The following COL28A1 variants were observed in gnomAD, a reference collection of about 807,000 sequenced individuals.
COL28A1 encodes collagen alpha-1(XXVIII) chain.
In COL28A1, 161 loss-of-function variants were observed where a neutral mutation model predicts 150.2. The ratio of observed to expected loss-of-function variants is 1.07; its 90% CI spans 0.94 to 1.22. The LOEUF (loss-of-function observed/expected upper bound fraction) is 1.22, where lower values mean the gene tolerates loss of function less well. Among genes scored for constraint, COL28A1 ranks in the 50% most tolerant of loss-of-function variants. COL28A1 has a pLI of 0.00. For synonymous variants in COL28A1, 552 were observed against 469.7 expected (o/e 1.18, Z -2.26); for missense variants, 1,617 against 1,388.3 (o/e 1.16, Z -2.62).
intron 17 of COL28A1, among the ~76,000 whole-genome samples, chr7:7,452,953 A>ATTT (rs1319474224): frequency 6.6e-6 from 1 of 152,262 alleles, no homozygotes; most frequent in East Asian, 1.9e-4. Flanking sequence ...AACTAGTTAA[A>ATTT]TAAGTGCCAT....
intron 3 of COL28A1, among the ~76,000 whole-genome samples, chr7:7,528,903 A>T (rs1357322399): frequency 3.3e-5 from 5 of 152,322 alleles, no homozygotes; most frequent in African/African-American, 9.6e-5. Flanking sequence ...TAACTTATTT[A>T]AAAAGTCAAC....
intron 8 of COL28A1, among the ~76,000 whole-genome samples, chr7:7,514,545 C>A (rs1406420867): frequency 6.6e-6 from 1 of 152,194 alleles, no homozygotes; most frequent in Non-Finnish European, 1.5e-5. Context: ...CATGTAGGCT[C>A]ACCCCTAATA....
At chr7:7,508,048 C>T (rs1445313649) in intron 9 of COL28A1, among the ~76,000 whole-genome samples, 1 of 152,056 alleles carries the variant, frequency 6.6e-6, no homozygotes, top group Non-Finnish European at 1.5e-5. Context: ...CTGGCTAACA[C>T]AGTGAAACCC....
chr7:7,536,831 AGT>A (rs1782659304), upstream of COL28A1, among the ~76,000 whole-genome samples: 5 of 152,324 alleles, frequency 3.3e-5, no homozygotes, highest in South Asian at 1.0e-3. Flanking sequence ...CACTGTCCTG[AGT>A]GCTTCACACA....
At chr7:7,528,384 T>G (rs1012802847) in intron 3 of COL28A1, among the ~76,000 whole-genome samples, 1 of 152,146 alleles carries the variant, frequency 6.6e-6, no homozygotes, top group Non-Finnish European at 1.5e-5. Context: ...CAATTTGGAG[T>G]CATTAAGTCT....
Position 7,358,771 on chromosome 7 carries a change from G to C in COL28A1, c.3240C>G (p.Asn1080Lys). Residue 1080 changes from asparagine (N) to lysine (K), a missense_variant, in exon 35 of 35, where the codon AAC becomes AAG. Physicochemically the swap from Asn to Lys is moderately conservative, Grantham distance 94 (BLOSUM62 0). Coordinates refer to ENST00000399429, the MANE Select transcript of COL28A1 (RefSeq NM_001037763.3). ...PRCLEALKPGNCGEYVVRWYY... is the reference protein window; with the variant it reads ...PRCLEALKPGKCGEYVVRWYY... ...ACCATCGAACCACATATTCACCACA[G>C]TTTCCAGGCTTCAAGGCTTCCAAAC... is the stretch of plus-strand genomic sequence containing the variant. The C allele has an allele frequency of 6.2e-7, 1 of 1,613,934 alleles. No homozygotes were observed. The highest frequency in any genetic ancestry group is 1.7e-5 in the Admixed American group (1 of 60,008).
intron 27 of COL28A1, among the ~76,000 whole-genome samples, chr7:7,392,045 C>G (rs901558169): frequency 1.3e-5 from 2 of 152,018 alleles, no homozygotes; most frequent in African/African-American, 4.8e-5. Context: ...TTATTTTGCT[C>G]ATTAGTTGAT....
chr7:7,495,856 G>C (rs377374886), intron 11 of COL28A1, among the ~76,000 whole-genome samples: 3 of 152,030 alleles, frequency 2.0e-5, no homozygotes, highest in Admixed American at 2.0e-4. Flanking sequence ...TTTAATCTGA[G>C]TAAAACCTTC....
intron 23 of COL28A1, among the ~76,000 whole-genome samples, chr7:7,434,467 A>G (rs1461871054): frequency 3.3e-5 from 5 of 152,206 alleles, no homozygotes; most frequent in Admixed American, 3.3e-4. Flanking sequence ...ACAACAAACT[A>G]AAGCAGTAAC....
At chr7:7,409,253 CA>C (rs1418673540) in intron 27 of COL28A1, among the ~76,000 whole-genome samples, 1 of 152,038 alleles carries the variant, frequency 6.6e-6, no homozygotes, top group Admixed American at 6.6e-5. Context: ...AAATTTTCAA[CA>C]ATGAAATTCA....
rs140414446 is a variant in COL28A1, at chr7:7,375,402, C to G, written c.2359+59G>C. 1,539 of 1,469,940 alleles carry G rather than the reference C, an allele frequency of 1.0e-3. 18 individuals are homozygous for G. In the Middle Eastern group the frequency reaches 0.032, roughly 30 times the overall value. The allele number at this position is 1,469,940 out of a possible 1,614,324, so 91.1% of individuals were successfully genotyped here. On this transcript the variant is annotated intron_variant, in intron 31 of 34. Coordinates refer to ENST00000399429, the MANE Select transcript of COL28A1 (RefSeq NM_001037763.3). ...CTGGACGAACACATTCTGTCACCAG[C>G]ACAGTACATAGTGGGGCTGATGCTT...
intron 15 of COL28A1, among the ~76,000 whole-genome samples, chr7:7,473,999 ATATAT>A (rs992346520): frequency 3.7e-4 from 55 of 148,116 alleles, no homozygotes; most frequent in Middle Eastern, 3.6e-3. Context: ...ATAGTATAAC[ATATAT>A]TATAGTGTGT....
chr7:7,412,957 T>G (rs1783869283), intron 27 of COL28A1, among the ~76,000 whole-genome samples: 1 of 152,122 alleles, frequency 6.6e-6, no homozygotes, highest in Non-Finnish European at 1.5e-5. Flanking sequence ...CTAAAGCCAC[T>G]GAGAAATGAG....
chr7:7,360,245 A>G (rs1398935396), intron 34 of COL28A1, 145 bp downstream of exon 34: 1 of 731,912 alleles, frequency 1.4e-6, no homozygotes, highest in East Asian at 3.0e-5. Flanking sequence ...GTTTAGAATC[A>G]TAACATTTTC....
chr7:7,471,125 T>TAAAAAAAAAAAAAAAAAAAAAAAAA (rs746981344), intron 15 of COL28A1, among the ~76,000 whole-genome samples: 26 of 88,478 alleles, frequency 2.9e-4, no homozygotes, highest in Non-Finnish European at 3.5e-4. Flanking sequence ...AAAAAATAAT[T>TAAAAAAAAAAAAAAAAAAAAAAAAA]AAAAAAAAAA....
chr7:7,391,422 G>A (rs1782533698), intron 27 of COL28A1, among the ~76,000 whole-genome samples: 1 of 152,146 alleles, frequency 6.6e-6, no homozygotes, highest in African/African-American at 2.4e-5. Context: ...TAGAATAAGG[G>A]TGATGTAGTG....
chr7:7,491,797 G>A (rs1779928011), intron 11 of COL28A1, among the ~76,000 whole-genome samples: 1 of 152,172 alleles, frequency 6.6e-6, no homozygotes, highest in Non-Finnish European at 1.5e-5. Context: ...AGGGGAAGGG[G>A]AGTGGCTATT....
intron 27 of COL28A1, among the ~76,000 whole-genome samples, chr7:7,389,864 G>A (rs182337423): frequency 4.5e-4 from 69 of 152,348 alleles, no homozygotes; most frequent in African/African-American, 1.6e-3. Flanking sequence ...AGACTTTGCT[G>A]AAGTTGCTTA....
chr7:7,375,472 G>T lies in COL28A1; in HGVS notation c.2348C>A (p.Thr783Lys). 6.4e-7 allele frequency: 1 copy of T among 1,570,258 alleles called. No homozygotes were observed. Among genetic ancestry groups the T allele is most frequent in the Non-Finnish European group, 8.7e-7 (1 of 1,147,958 alleles). The change falls in exon 31 of 35, where the codon ACA (threonine) becomes AAA (lysine). Residue 783 changes from threonine (T) to lysine (K), a missense_variant. By Grantham distance (78) the Thr-to-Lys change is moderately conservative. Coordinates refer to ENST00000399429, the MANE Select transcript of COL28A1 (RefSeq NM_001037763.3). ...TGATCAAATCTTACCACATATTTCT[G>T]TAATAAGTTTGATAATTTCTTCTTT... ...LTKEEIIKLITEICGCGPKCK... is the reference protein window; with the variant it reads ...LTKEEIIKLIKEICGCGPKCK...
Sources: allele counts gnomAD v4.1 joint callset (sites outside exome capture counted in the v4.1 genomes callset), GRCh38; gene constraint gnomAD v4.1.1; transcripts MANE v1.5; gene names NCBI Gene and HGNC (gene_info 2026-07-23, HGNC 2026-07-21).